CLXN: variants seen among roughly 807,000 people sequenced by gnomAD.
The protein encoded by CLXN is EF-hand calcium binding domain 1.
the CLXN span, chr8:48,714,958 AT>A: frequency 1.3e-5 from 2 of 152,228 alleles, no homozygotes; most frequent in African/African-American, 4.8e-5. Flanking sequence ...GTCAGTCATG[AT>A]GGAATACCAG....
chr8:48,717,040 C>T, the CLXN span, among the ~76,000 whole-genome samples: 29 of 152,286 alleles, frequency 1.9e-4, no homozygotes, highest in African/African-American at 6.7e-4. Context: ...TGGCACGTGC[C>T]TGTAATCCCA....
At chr8:48,729,295 C>A in the CLXN span, 3 of 607,360 alleles carry the variant, frequency 4.9e-6, no homozygotes, top group South Asian at 4.5e-5. Flanking sequence ...GAGGCTAAGG[C>A]GGGGTGATTC....
the CLXN span, among the ~76,000 whole-genome samples, chr8:48,725,531 T>C: frequency 1.3e-5 from 2 of 152,180 alleles, no homozygotes; most frequent in Non-Finnish European, 2.9e-5. Flanking sequence ...GAGCCAGGCA[T>C]GGTGGCTCAT....
At chr8:48,732,999 A>G in the CLXN span, among the ~76,000 whole-genome samples, 1 of 152,274 alleles carries the variant, frequency 6.6e-6, no homozygotes, top group East Asian at 1.9e-4. Context: ...GGGAACAATG[A>G]ACAAGTTACG....
the CLXN span, among the ~76,000 whole-genome samples, chr8:48,725,934 G>A: frequency 6.6e-6 from 1 of 152,030 alleles, no homozygotes; most frequent in African/African-American, 2.4e-5. Context: ...TAGCTCCTGA[G>A]GAGATGGAGA....
chr8:48,717,432 C>T, the CLXN span, among the ~76,000 whole-genome samples: 10 of 152,084 alleles, frequency 6.6e-5, no homozygotes, highest in African/African-American at 2.2e-4. Flanking sequence ...GAATACTATA[C>T]CTGCAAAATT....
the CLXN span, chr8:48,734,711 G>A: frequency 3.0e-4 from 54 of 180,608 alleles, no homozygotes; most frequent in Non-Finnish European, 5.6e-4. Flanking sequence ...GAGCTATAAA[G>A]CAGGGTGAGT....
chr8:48,729,951 G>A, the CLXN span: 20 of 1,377,544 alleles, frequency 1.5e-5, no homozygotes, highest in Non-Finnish European at 1.8e-5. Context: ...TCAGGGCCAA[G>A]TTCTATCTTG....
chr8:48,713,957 C>T, the CLXN span: 1 of 152,190 alleles, frequency 6.6e-6, no homozygotes, highest in Non-Finnish European at 1.5e-5. Context: ...ACAGGCCTAG[C>T]CTGGCTTTCT....
At chr8:48,730,406 GT>G in the CLXN span, 8 of 519,626 alleles carry the variant, frequency 1.5e-5, no homozygotes, top group African/African-American at 1.6e-4. Context: ...CATAAAATAG[GT>G]TAGTGGGATT....
the CLXN span, chr8:48,729,164 A>G: frequency 1.3e-6 from 2 of 1,575,290 alleles, no homozygotes; most frequent in Non-Finnish European, 1.7e-6. Context: ...AATGAGAAAC[A>G]TGTTAGGCAA....
the CLXN span, chr8:48,711,589 AAGAGTGGATAGGAG>A: frequency 6.6e-6 from 1 of 152,340 alleles, no homozygotes; most frequent in East Asian, 1.9e-4. Context: ...TTCAGATGAG[AAGAGTGGATAGGAG>A]AGGAATCAAT....
At chr8:48,716,611 A>G in the CLXN span, 2 of 152,276 alleles carry the variant, frequency 1.3e-5, no homozygotes, top group African/African-American at 2.4e-5. Context: ...ACAAGGAGAT[A>G]AAAGTCATTA....
At chr8:48,721,733 C>A in the CLXN span, among the ~76,000 whole-genome samples, 2 of 152,112 alleles carry the variant, frequency 1.3e-5, no homozygotes, top group Non-Finnish European at 2.9e-5. Flanking sequence ...GGTGTTGGGA[C>A]AATTGGATTT....
the CLXN span, chr8:48,731,204 C>T: frequency 2.5e-6 from 2 of 795,458 alleles, no homozygotes; most frequent in South Asian, 3.7e-5. Context: ...TTTCTATGAT[C>T]TTCTCAAAAT....
At chr8:48,725,580 G>A in the CLXN span, among the ~76,000 whole-genome samples, 1 of 152,240 alleles carries the variant, frequency 6.6e-6, no homozygotes, top group South Asian at 2.1e-4. Flanking sequence ...GAGGCAAGCT[G>A]ATCACTTGAG....
the CLXN span, chr8:48,712,376 C>T: frequency 6.6e-6 from 1 of 152,402 alleles, no homozygotes; most frequent in South Asian, 2.1e-4. Flanking sequence ...ACCAGTGCAT[C>T]CAAATGTCCT....
chr8:48,729,118 A>G, the CLXN span: 1 of 1,613,512 alleles, frequency 6.2e-7, no homozygotes. Flanking sequence ...ATAGTCTGCA[A>G]AAGACAGCTT....
At chr8:48,730,329 T>C in the CLXN span, among the ~76,000 whole-genome samples, 1 of 152,234 alleles carries the variant, frequency 6.6e-6, no homozygotes, top group Non-Finnish European at 1.5e-5. Context: ...CATAAATTAC[T>C]CCTCAGAATC....
Sources: allele counts gnomAD v4.1 joint callset (sites outside exome capture counted in the v4.1 genomes callset), GRCh38; gene constraint gnomAD v4.1.1; transcripts MANE v1.5; gene names NCBI Gene and HGNC (gene_info 2026-07-23, HGNC 2026-07-21).